The following TTC29 variants were observed in gnomAD, a reference collection of about 807,000 sequenced individuals.
TTC29 encodes the protein tetratricopeptide repeat domain 29.
In TTC29, 49 loss-of-function variants were observed where a neutral mutation model predicts 58.1. The observed-to-expected ratio is 0.84, with a 90% CI of 0.67 to 1.07. The LOEUF (loss-of-function observed/expected upper bound fraction) is 1.07, where lower values mean the gene tolerates loss of function less well. Ranked by LOEUF, TTC29 falls within the 50% of genes least tolerant of loss-of-function variation. TTC29 has a pLI of 0.00. For missense variants in TTC29, 582 were observed against 555.6 expected, an observed-to-expected ratio of 1.05 and a Z score of -0.48; for synonymous variants, 209 against 196.8, an observed-to-expected ratio of 1.06 and a Z score of -0.52.
chr4:146,807,037 T>C (rs1750666340), intron 10 of TTC29, among the ~76,000 whole-genome samples: 1 of 152,168 alleles, frequency 6.6e-6, no homozygotes. Flanking sequence ...TAACAAACAG[T>C]GTCTCAGACC....
chr4:146,793,372 T>A (rs1437522623), intron 11 of TTC29, among the ~76,000 whole-genome samples: 1 of 152,134 alleles, frequency 6.6e-6, no homozygotes, highest in Non-Finnish European at 1.5e-5. Flanking sequence ...GCCATTAACA[T>A]CAAGGGAAGA....
chr4:146,714,413 C>T (rs549942116), intron 11 of TTC29, among the ~76,000 whole-genome samples: 1 of 151,664 alleles, frequency 6.6e-6, no homozygotes, highest in African/African-American at 2.4e-5. Context: ...ATCAGTAAAC[C>T]ATAAGACAGC....
chr4:146,842,400 G>C (rs189452292), intron 8 of TTC29, among the ~76,000 whole-genome samples: 1 of 151,984 alleles, frequency 6.6e-6, no homozygotes, highest in Non-Finnish European at 1.5e-5. Context: ...CCTCCCAATA[G>C]TGAAAGGTGG....
At chr4:146,868,981 C>T (rs747808005) in intron 7 of TTC29, among the ~76,000 whole-genome samples, 2 of 151,758 alleles carry the variant, frequency 1.3e-5, no homozygotes, top group East Asian at 1.9e-4. Flanking sequence ...CTCCTTCTCT[C>T]GCCATATGAC....
chr4:146,921,568 A>G (rs1734583085), intron 4 of TTC29, among the ~76,000 whole-genome samples: 1 of 151,228 alleles, frequency 6.6e-6, no homozygotes, highest in Non-Finnish European at 1.5e-5. Context: ...AAAAAAATTA[A>G]AGGAGCATAA....
intron 11 of TTC29, among the ~76,000 whole-genome samples, chr4:146,790,953 C>A (rs1470084076): frequency 6.6e-6 from 1 of 152,196 alleles, no homozygotes; most frequent in African/African-American, 2.4e-5. Context: ...GAAAAATTTG[C>A]AGCCCATAGT....
chr4:146,768,108 T>G (rs1390405178), intron 11 of TTC29, among the ~76,000 whole-genome samples: 1 of 152,024 alleles, frequency 6.6e-6, no homozygotes, highest in Non-Finnish European at 1.5e-5. Context: ...TTTCAAAATG[T>G]GTTATGATAT....
intron 11 of TTC29, among the ~76,000 whole-genome samples, chr4:146,774,084 T>C (rs1182387945): frequency 6.6e-6 from 1 of 152,100 alleles, no homozygotes; most frequent in African/African-American, 2.4e-5. Context: ...TTGGAGGTCA[T>C]GACTCATTTG....
At chr4:146,771,329 G>A (rs1747711388) in intron 11 of TTC29, among the ~76,000 whole-genome samples, 1 of 151,960 alleles carries the variant, frequency 6.6e-6, no homozygotes, top group South Asian at 2.1e-4. Context: ...TGTGTCATGG[G>A]GCTTTAGTGT....
At chr4:146,859,759 T>C (rs1158555234) in intron 8 of TTC29, among the ~76,000 whole-genome samples, 2 of 152,092 alleles carry the variant, frequency 1.3e-5, no homozygotes, top group Admixed American at 1.3e-4. Context: ...CATAAAGATA[T>C]GGGCTTCTGA....
chr4:146,828,850 G>A (rs1222601812), intron 9 of TTC29, among the ~76,000 whole-genome samples: 1 of 152,158 alleles, frequency 6.6e-6, no homozygotes, highest in Non-Finnish European at 1.5e-5. Flanking sequence ...TCTACAGCCA[G>A]CAAACTTGTT....
Position 146,881,433 on chromosome 4 carries a change from A to T in TTC29, c.587-6505T>A, listed in dbSNP as rs949156474. On this transcript the variant is annotated intron_variant, in intron 6 of 12. Coordinates refer to ENST00000325106, the MANE Select transcript of TTC29 (RefSeq NM_031956.4). Reference sequence around the variant, plus strand: ...ACTTTAGTTTAAAACAACAACCTAAAGGAACAATAAAGCTTTACGTGTATT... The same window carrying T: ...ACTTTAGTTTAAAACAACAACCTAATGGAACAATAAAGCTTTACGTGTATT... 3.3e-5 allele frequency among the ~76,000 whole-genome samples: 5 copies of T among 152,142 alleles called. No individual in the cohort carries two copies. In the South Asian group the frequency reaches 6.2e-4, roughly 19 times the overall value.
intron 4 of TTC29, among the ~76,000 whole-genome samples, chr4:146,920,565 T>G (rs2150302923): frequency 6.6e-6 from 1 of 151,138 alleles, no homozygotes; most frequent in African/African-American, 2.4e-5. Context: ...ACTGCATGTG[T>G]ATTTCTCTTA....
intron 11 of TTC29, among the ~76,000 whole-genome samples, chr4:146,729,509 T>C (rs1237012506): frequency 6.6e-6 from 1 of 152,210 alleles, no homozygotes; most frequent in East Asian, 1.9e-4. Flanking sequence ...TGTCATTTTC[T>C]TCATCTTTGA....
intron 9 of TTC29, among the ~76,000 whole-genome samples, chr4:146,833,012 C>G (rs1167341134): frequency 6.6e-6 from 1 of 152,040 alleles, no homozygotes; most frequent in Non-Finnish European, 1.5e-5. Flanking sequence ...AAAACACCTC[C>G]TTGTATGTGT....
At chr4:146,786,710 A>AAAT (rs1749044317) in intron 11 of TTC29, among the ~76,000 whole-genome samples, 1 of 152,210 alleles carries the variant, frequency 6.6e-6, no homozygotes, top group Non-Finnish European at 1.5e-5. Flanking sequence ...AATGTCCCAG[A>AAAT]AATAGTGCCT....
chr4:146,737,922 A>G (rs1398558940), intron 11 of TTC29, among the ~76,000 whole-genome samples: 1 of 152,140 alleles, frequency 6.6e-6, no homozygotes, highest in Non-Finnish European at 1.5e-5. Context: ...TAAGCCAGAA[A>G]CTGTCCCTAT....
intron 11 of TTC29, among the ~76,000 whole-genome samples, chr4:146,739,255 TAGG>T (rs1436852980): frequency 6.6e-6 from 1 of 152,208 alleles, no homozygotes; most frequent in Non-Finnish European, 1.5e-5. Flanking sequence ...TTGAATGCTA[TAGG>T]AGATGATTTT....
At chr4:146,900,233 T>C (rs528029189) in intron 6 of TTC29, among the ~76,000 whole-genome samples, 112 of 152,342 alleles carry the variant, frequency 7.4e-4, no homozygotes, top group African/African-American at 2.5e-3. Context: ...AATAAAGATA[T>C]GGTTCTAGGG....
Sources: allele counts gnomAD v4.1 joint callset (sites outside exome capture counted in the v4.1 genomes callset), GRCh38; gene constraint gnomAD v4.1.1; transcripts MANE v1.5; gene names NCBI Gene and HGNC (gene_info 2026-07-23, HGNC 2026-07-21).